FARS2: variants seen among roughly 807,000 people sequenced by gnomAD.
FARS2 encodes the protein phenylalanine--tRNA ligase, mitochondrial.
FARS2 carries 40 observed loss-of-function variants against 46.4 expected under a neutral mutation model. The observed-to-expected ratio is 0.86, with a 90% CI of 0.67 to 1.12. FARS2 has a LOEUF of 1.12. FARS2 is among the 50% of genes most tolerant of loss of function. The probability of loss-of-function intolerance (pLI) is 0.00; values close to 1 mark genes in which losing one functional copy is unlikely to be tolerated. For missense variants in FARS2, 513 were observed against 567.9 expected (o/e 0.90, Z 0.98); for synonymous variants, 234 against 214.9 (o/e 1.09, Z -0.78).
intron 2 of FARS2, among the ~76,000 whole-genome samples, chr6:5,374,463 G>A (rs979517474): frequency 3.9e-5 from 6 of 151,968 alleles, no homozygotes; most frequent in African/African-American, 1.4e-4. Flanking sequence ...AAAACTGAAA[G>A]CAATTAACTC....
At chr6:5,339,378 G>A (rs969930314) in intron 1 of FARS2, among the ~76,000 whole-genome samples, 1 of 151,664 alleles carries the variant, frequency 6.6e-6, no homozygotes, top group African/African-American at 2.4e-5. Context: ...GGGCAAGTTA[G>A]CAAATTTTTT....
chr6:5,324,341 G>A (rs139259897), intron 1 of FARS2, among the ~76,000 whole-genome samples: 2 of 149,996 alleles, frequency 1.3e-5, no homozygotes, highest in African/African-American at 4.9e-5. Context: ...TTGTTTTGCT[G>A]TATCAATTAA....
At chr6:5,498,476 C>T (rs761635060) in intron 4 of FARS2, among the ~76,000 whole-genome samples, 1 of 152,190 alleles carries the variant, frequency 6.6e-6, no homozygotes, top group South Asian at 2.1e-4. Context: ...AAGTGTTTCT[C>T]CTCTAGAGTT....
At chr6:5,638,115 C>T (rs1460704415) in intron 6 of FARS2, among the ~76,000 whole-genome samples, 3 of 152,196 alleles carry the variant, frequency 2.0e-5, no homozygotes, top group East Asian at 1.9e-4. Context: ...GTGCCTTATA[C>T]TGCAAGATGG....
intron 5 of FARS2, among the ~76,000 whole-genome samples, chr6:5,556,575 G>GGT (rs1002751981): frequency 2.2e-4 from 33 of 151,828 alleles, no homozygotes; most frequent in African/African-American, 7.7e-4. Context: ...CTCCATCAGA[G>GGT]GTCTATGGGC....
At chr6:5,427,805 T>A (rs1351637663) in intron 3 of FARS2, among the ~76,000 whole-genome samples, 2 of 152,218 alleles carry the variant, frequency 1.3e-5, no homozygotes, top group African/African-American at 4.8e-5. Context: ...TGAGGGCTTG[T>A]GGTGGCTGAG....
intron 3 of FARS2, among the ~76,000 whole-genome samples, chr6:5,417,406 G>T (rs566153967): frequency 1.3e-5 from 2 of 151,916 alleles, no homozygotes; most frequent in African/African-American, 4.8e-5. Context: ...AAAAAAAATT[G>T]TAGAGAGATG....
chr6:5,738,214 G>A (rs922945454), intron 6 of FARS2, among the ~76,000 whole-genome samples: 2 of 152,208 alleles, frequency 1.3e-5, no homozygotes, highest in African/African-American at 4.8e-5. Flanking sequence ...GCCTCCCAAA[G>A]TGTTGGGATT....
intron 2 of FARS2, among the ~76,000 whole-genome samples, chr6:5,383,977 G>A (rs1203912785): frequency 6.8e-6 from 1 of 146,840 alleles, no homozygotes; most frequent in East Asian, 1.9e-4. Context: ...CTGTCATCAT[G>A]GCCCAGGAAG....
chr6:5,590,688 A>G (rs1773864615), intron 5 of FARS2, among the ~76,000 whole-genome samples: 1 of 152,240 alleles, frequency 6.6e-6, no homozygotes, highest in Admixed American at 6.5e-5. Context: ...AGTCAGTGGA[A>G]GTACAGCTTT....
intron 6 of FARS2, among the ~76,000 whole-genome samples, chr6:5,739,353 T>TA (rs1017896123): frequency 2.3e-4 from 34 of 150,566 alleles, no homozygotes; most frequent in African/African-American, 6.1e-4. Flanking sequence ...AAATTGTAAT[T>TA]AAAAAAAGAT....
chr6:5,340,952 C>T (rs1397594745), intron 1 of FARS2, among the ~76,000 whole-genome samples: 5 of 151,530 alleles, frequency 3.3e-5, no homozygotes, highest in Admixed American at 2.6e-4. Flanking sequence ...TTGAGACCAG[C>T]CTGACCAACA....
chr6:5,622,754 A>G (rs548509964), intron 6 of FARS2, among the ~76,000 whole-genome samples: 1 of 152,354 alleles, frequency 6.6e-6, no homozygotes, highest in South Asian at 2.1e-4. Flanking sequence ...CCCAGCCTCC[A>G]GAACCGTGAG....
Position 5,522,364 on chromosome 6 carries a change from G to C in FARS2, c.905-22816G>C, listed in dbSNP as rs747991806. ...GGGGTTAGGCCATGCAGCTTCCTCT[G>C]TGACCAGGGAGAGGAGAATGTGGTT... On this transcript the variant is annotated intron_variant, in intron 4 of 6. Transcript: ENST00000274680. Among the ~76,000 whole-genome samples, 135 of 152,240 alleles carry C rather than the reference G, an allele frequency of 8.9e-4. 1 individual carries two copies. Among genetic ancestry groups the C allele is most frequent in the Non-Finnish European group, 1.4e-3 (94 of 68,048 alleles).
chr6:5,522,496 C>G (rs1387409314), intron 4 of FARS2, among the ~76,000 whole-genome samples: 1 of 152,248 alleles, frequency 6.6e-6, no homozygotes, highest in African/African-American at 2.4e-5. Flanking sequence ...CACAGATGAA[C>G]TATACCAATT....
intron 1 of FARS2, among the ~76,000 whole-genome samples, chr6:5,290,255 C>T (rs1767410182): frequency 6.6e-6 from 1 of 152,130 alleles, no homozygotes; most frequent in Non-Finnish European, 1.5e-5. Flanking sequence ...GTGAGGGAAA[C>T]AGTAATGCTT....
intron 6 of FARS2, among the ~76,000 whole-genome samples, chr6:5,748,094 C>T (rs77042408): frequency 6.6e-6 from 1 of 152,120 alleles, no homozygotes; most frequent in Non-Finnish European, 1.5e-5. Context: ...CCCATTGCTA[C>T]CCCTTTCTGC....
At chr6:5,432,327 A>ATATATATAT (rs1331215297) in intron 4 of FARS2, among the ~76,000 whole-genome samples, 1 of 61,094 alleles carries the variant, frequency 1.6e-5, no homozygotes, top group Non-Finnish European at 3.0e-5. Flanking sequence ...AAAAAAAAAA[A>ATATATATAT]ATATATATAT....
At chr6:5,516,639 T>C (rs1380921762) in intron 4 of FARS2, among the ~76,000 whole-genome samples, 6 of 152,224 alleles carry the variant, frequency 3.9e-5, no homozygotes, top group Non-Finnish European at 8.8e-5. Context: ...AGATCATGCC[T>C]AAGATCCCTT....
Sources: allele counts gnomAD v4.1 joint callset (sites outside exome capture counted in the v4.1 genomes callset), GRCh38; gene constraint gnomAD v4.1.1; transcripts MANE v1.5; gene names NCBI Gene and HGNC (gene_info 2026-07-23, HGNC 2026-07-21).